The following TCF7L2 variants were observed in gnomAD, a reference collection of about 807,000 sequenced individuals.
The protein encoded by TCF7L2 is transcription factor 7 like 2.
TCF7L2 carries 23 observed loss-of-function variants against 77.9 expected under a neutral mutation model. That is an observed-to-expected ratio of 0.30 (90% CI 0.21 to 0.42). TCF7L2 has a LOEUF of 0.42. TCF7L2 is among the 10% of genes least tolerant of loss of function. The pLI is 1.00. For synonymous variants in TCF7L2, 413 were observed against 340.2 expected (o/e 1.21, Z -2.36); for missense variants, 654 against 793.1 (o/e 0.82, Z 2.11).
intron 12 of TCF7L2, among the ~76,000 whole-genome samples, 196 bp downstream of exon 14, chr10:113,160,188 A>T (rs1438418019): frequency 6.6e-6 from 1 of 151,880 alleles, no homozygotes; most frequent in Non-Finnish European, 1.5e-5. Context: ...ATGCCACTGT[A>T]AAACAGCATC....
Position 113,015,624 on chromosome 10 carries a change from C to T in TCF7L2, c.451-24401C>T, listed in dbSNP as rs114142221. 8.7e-3 allele frequency among the ~76,000 whole-genome samples: 1,324 copies of T among 152,152 alleles called. 15 individuals are homozygous for T. Among genetic ancestry groups the T allele is most frequent in the African/African-American group, 0.03 (1,256 of 41,504 alleles). ...ACTGGGACTATATACTACAGGCATG[C>T]GCCACCACTCCTGGCTAATTAAAAA... On this transcript the variant is annotated intron_variant, in intron 4 of 13. Transcript: ENST00000627217.
chr10:113,080,712 A>G (rs1223380563), intron 5 of TCF7L2, among the ~76,000 whole-genome samples: 1 of 152,190 alleles, frequency 6.6e-6, no homozygotes, highest in Non-Finnish European at 1.5e-5. Flanking sequence ...GTGTCTCTTA[A>G]CCAACATGGC....
intron 4 of TCF7L2, among the ~76,000 whole-genome samples, chr10:112,973,827 TAA>T (rs1406194061): frequency 7.9e-5 from 12 of 152,250 alleles, no homozygotes; most frequent in Admixed American, 3.9e-4. Flanking sequence ...TCACCTCAAG[TAA>T]TCTGCCCGCC....
chr10:113,132,535 T>A (rs1001458906), intron 5 of TCF7L2, among the ~76,000 whole-genome samples: 2 of 152,168 alleles, frequency 1.3e-5, no homozygotes, highest in Non-Finnish European at 2.9e-5. Context: ...GGTTGTTGTA[T>A]TTGGTGGCGA....
intron 5 of TCF7L2, among the ~76,000 whole-genome samples, chr10:113,052,221 T>A (rs2054598214): frequency 6.6e-6 from 1 of 152,166 alleles, no homozygotes; most frequent in Non-Finnish European, 1.5e-5. Flanking sequence ...GGTTTGTACT[T>A]GGACCTGCAG....
chr10:113,070,045 C>T (rs2135172816), intron 5 of TCF7L2, among the ~76,000 whole-genome samples: 1 of 152,002 alleles, frequency 6.6e-6, no homozygotes, highest in Middle Eastern at 3.4e-3. Context: ...ATCATGAGGT[C>T]AGGAGATCAA....
intron 5 of TCF7L2, among the ~76,000 whole-genome samples, chr10:113,054,779 AGT>A (rs1404229018): frequency 3.9e-5 from 6 of 152,160 alleles, no homozygotes; most frequent in African/African-American, 1.4e-4. Context: ...AAATAATCTT[AGT>A]AGTTTTTAAC....
intron 4 of TCF7L2, among the ~76,000 whole-genome samples, chr10:112,996,254 G>A (rs2043450762): frequency 6.6e-6 from 1 of 152,172 alleles, no homozygotes; most frequent in Non-Finnish European, 1.5e-5. Context: ...AGGAGGATGA[G>A]CCTCTCGGAT....
intron 5 of TCF7L2, among the ~76,000 whole-genome samples, chr10:113,050,522 G>A (rs960059033): frequency 2.0e-5 from 3 of 152,176 alleles, no homozygotes; most frequent in African/African-American, 7.2e-5. Flanking sequence ...CTTGATGGGT[G>A]GAGGTAGAAA....
intron 4 of TCF7L2, among the ~76,000 whole-genome samples, chr10:112,972,714 G>A (rs938831106): frequency 6.6e-6 from 1 of 152,034 alleles, no homozygotes; most frequent in Admixed American, 6.6e-5. Flanking sequence ...CAAGCTCTCC[G>A]CCTGCCTTAG....
At chr10:113,077,489 AT>A (rs1164176422) in intron 5 of TCF7L2, among the ~76,000 whole-genome samples, 1 of 151,552 alleles carries the variant, frequency 6.6e-6, no homozygotes, top group African/African-American at 2.4e-5. Flanking sequence ...CTCACTCCCC[AT>A]TTCCCCCACT....
intron 5 of TCF7L2, among the ~76,000 whole-genome samples, chr10:113,087,754 G>A (rs989271276): frequency 1.1e-4 from 17 of 152,248 alleles, no homozygotes; most frequent in African/African-American, 3.4e-4. Flanking sequence ...TGCAGCCAGC[G>A]TGGGCCCTGG....
Position 112,994,590 on chromosome 10 carries a change from ATAAC to A in TCF7L2, c.450+29968_450+29971del. On this transcript the variant is annotated intron_variant, in intron 4 of 13. Coordinates refer to ENST00000627217, the MANE Select transcript of TCF7L2 (RefSeq NM_001146274.2). ...GTGGAATTGCTGGGTCATATAATAAATAACTGTTTAACATTTTGGGGAGCTGCCA... is the reference window on the plus strand; with the variant it reads ...GTGGAATTGCTGGGTCATATAATAAATGTTTAACATTTTGGGGAGCTGCCA... Among the ~76,000 whole-genome samples, 5 of 152,376 alleles carry A rather than the reference ATAAC, an allele frequency of 3.3e-5. No individual in the cohort carries two copies. In the Middle Eastern group the frequency reaches 0.017, roughly 518 times the overall value.
intron 4 of TCF7L2, among the ~76,000 whole-genome samples, chr10:113,008,471 G>A (rs1420447975): frequency 6.6e-6 from 1 of 152,100 alleles, no homozygotes; most frequent in African/African-American, 2.4e-5. Context: ...AATTCCCCTT[G>A]GATTCTTTAG....
chr10:113,043,379 C>G (rs1023191590), intron 5 of TCF7L2, among the ~76,000 whole-genome samples: 60 of 152,196 alleles, frequency 3.9e-4, no homozygotes, highest in Admixed American at 3.9e-3. Flanking sequence ...GTCAACTTAT[C>G]AAATGATATT....
At chr10:112,963,418 T>G (rs2035805528) in intron 3 of TCF7L2, among the ~76,000 whole-genome samples, 1 of 152,246 alleles carries the variant, frequency 6.6e-6, no homozygotes, top group South Asian at 2.1e-4. Flanking sequence ...AGACGTGTTC[T>G]GGTAGTAGTA....
chr10:113,117,149 C>T (rs928871455), intron 5 of TCF7L2, among the ~76,000 whole-genome samples: 20 of 152,212 alleles, frequency 1.3e-4, no homozygotes, highest in African/African-American at 4.8e-4. Flanking sequence ...TTTGAAAGAA[C>T]GCCTTTGCTT....
chr10:112,996,723 A>G (rs767393661), intron 4 of TCF7L2, among the ~76,000 whole-genome samples: 2 of 152,180 alleles, frequency 1.3e-5, no homozygotes, highest in South Asian at 2.1e-4. Context: ...GTCAGAACCC[A>G]AAAGGGGCCA....
At chr10:113,015,574 TC>T (rs2047203517) in intron 4 of TCF7L2, among the ~76,000 whole-genome samples, 1 of 149,568 alleles carries the variant, frequency 6.7e-6, no homozygotes, top group Non-Finnish European at 1.5e-5. Flanking sequence ...GCTCAAGCAA[TC>T]CCCCTGCCTC....
Sources: gnomAD v4.1 joint callset for allele counts (sites outside exome capture counted in the v4.1 genomes callset) on GRCh38, gnomAD v4.1.1 for gene constraint, MANE v1.5 for transcripts, NCBI Gene and HGNC (gene_info 2026-07-23, HGNC 2026-07-21) for gene names.